The following SOX5 variants were observed in gnomAD, a reference collection of about 807,000 sequenced individuals.
The protein encoded by SOX5 is transcription factor SOX-5.
In SOX5, 9 loss-of-function variants were observed where a neutral mutation model predicts 92.0. That is an observed-to-expected ratio of 0.10 (90% CI 0.06 to 0.17). The LOEUF (loss-of-function observed/expected upper bound fraction) is 0.17, where lower values mean the gene tolerates loss of function less well. SOX5 is among the 10% of genes least tolerant of loss of function. The pLI, the probability that SOX5 is intolerant of heterozygous loss-of-function variation, is 1.00. For missense variants in SOX5, 642 were observed against 944.5 expected, an observed-to-expected ratio of 0.68 and a Z score of 4.20; for synonymous variants, 344 against 336.3, an observed-to-expected ratio of 1.02 and a Z score of -0.25.
intron 2 of SOX5, among the ~76,000 whole-genome samples, chr12:24,316,447 C>A (rs117639797): frequency 0.016 from 2,385 of 152,268 alleles, 43 homozygotes; most frequent in Middle Eastern, 0.037. Context: ...CATGACAGCA[C>A]TTTTTCAAAG....
chr12:23,959,024 C>T lies in SOX5; in HGVS notation c.-1-63000G>A, dbSNP rs148291865. Among the ~76,000 whole-genome samples, 521 of 151,854 alleles carry T rather than the reference C, an allele frequency of 3.4e-3. 3 individuals are homozygous for T. Among genetic ancestry groups the T allele is most frequent in the African/African-American group, 0.011 (446 of 41,514 alleles). On this transcript the variant is annotated intron_variant, in intron 4 of 4. Transcript: ENST00000446891. ...ACATACAAGACCTATTTAAAGAAAG[C>T]TTTAATACAATATGAAAAGACATAC... is the stretch of plus-strand genomic sequence containing the variant.
chr12:23,563,425 G>A (rs1946549875), intron 10 of SOX5, 22 bp from the exon 11 acceptor site: 2 of 1,608,556 alleles, frequency 1.2e-6, no homozygotes, highest in Non-Finnish European at 1.7e-6. Context: ...ACAGATCAAA[G>A]GATATCTTTT....
chr12:24,529,846 C>T (rs1360383352), intron 1 of SOX5, among the ~76,000 whole-genome samples: 3 of 151,988 alleles, frequency 2.0e-5, no homozygotes, highest in Admixed American at 6.6e-5. Context: ...GGTGAAACCC[C>T]GTCTCTACTA....
chr12:24,218,573 C>A (rs1350309789), intron 3 of SOX5, among the ~76,000 whole-genome samples: 1 of 151,938 alleles, frequency 6.6e-6, no homozygotes, highest in Non-Finnish European at 1.5e-5. Flanking sequence ...ACTGAATAAT[C>A]CATGAACTCA....
rs540948280 is a variant in SOX5, at chr12:23,820,831, T to G, written c.481+25152A>C. ...TGGTGTTTTGGTTACTACAGCCTTG[T>G]AGTATAGTCTGAAGCCAGATGGTGT... On this transcript the variant is annotated intron_variant, in intron 3 of 14. Transcript: ENST00000451604. Among the ~76,000 whole-genome samples the G allele has an allele frequency of 2.0e-5, 3 of 152,316 alleles. No individual in the cohort carries two copies. In the South Asian group the frequency reaches 6.2e-4, roughly 32 times the overall value.
chr12:24,193,413 T>C (rs1476739860), intron 4 of SOX5, among the ~76,000 whole-genome samples: 1 of 152,230 alleles, frequency 6.6e-6, no homozygotes, highest in Non-Finnish European at 1.5e-5. Context: ...ACTCAGAGAC[T>C]AAAGGGCCAC....
At chr12:23,929,365 C>T (rs1418206390) in intron 1 of SOX5, among the ~76,000 whole-genome samples, 1 of 151,902 alleles carries the variant, frequency 6.6e-6, no homozygotes, top group Non-Finnish European at 1.5e-5. Flanking sequence ...GATAATGTTG[C>T]TTCATTATCT....
At chr12:24,298,225 A>G (rs1947515234) in intron 2 of SOX5, among the ~76,000 whole-genome samples, 1 of 152,020 alleles carries the variant, frequency 6.6e-6, no homozygotes, top group African/African-American at 2.4e-5. Context: ...CACCACCACC[A>G]CGTCCAGCTA....
At chr12:24,146,960 T>C (rs1383506214) in intron 4 of SOX5, among the ~76,000 whole-genome samples, 2 of 152,146 alleles carry the variant, frequency 1.3e-5, no homozygotes, top group Non-Finnish European at 2.9e-5. Context: ...TAGCTTCATG[T>C]CTATTTTTTA....
chr12:23,895,599 A>C, intron 2 of SOX5, among the ~76,000 whole-genome samples, 194 bp downstream of exon 2: 1 of 152,214 alleles, frequency 6.6e-6, no homozygotes, highest in Non-Finnish European at 1.5e-5. Context: ...TGAAAAATAC[A>C]AAAGAAACGA....
chr12:23,577,280 C>T (rs995279430), intron 9 of SOX5, among the ~76,000 whole-genome samples: 11 of 146,560 alleles, frequency 7.5e-5, no homozygotes, highest in African/African-American at 1.3e-4. Context: ...TCGTGATCTC[C>T]GCCTGCCACT....
chr12:24,525,382 G>A (rs986311784), intron 1 of SOX5, among the ~76,000 whole-genome samples: 2 of 152,160 alleles, frequency 1.3e-5, no homozygotes, highest in Non-Finnish European at 2.9e-5. Flanking sequence ...TTGGGGGAAT[G>A]GGAAGTGGGA....
intron 1 of SOX5, among the ~76,000 whole-genome samples, chr12:24,554,115 G>A (rs1953506628): frequency 6.6e-6 from 1 of 152,216 alleles, no homozygotes; most frequent in Admixed American, 6.5e-5. Flanking sequence ...GGAATATCAA[G>A]CATCACAAGA....
At chr12:24,141,669 T>C (rs1162530532) in intron 4 of SOX5, among the ~76,000 whole-genome samples, 5 of 152,050 alleles carry the variant, frequency 3.3e-5, no homozygotes, top group Non-Finnish European at 7.4e-5. Context: ...TACACACAAA[T>C]GAAAAGATTT....
intron 8 of SOX5, chr12:23,638,188 T>G (rs776783263): frequency 2.0e-5 from 3 of 152,218 alleles, no homozygotes; most frequent in Non-Finnish European, 4.4e-5. Flanking sequence ...CCACGGTATC[T>G]CACGGCAGAC....
At chr12:23,539,030 C>T (rs1941306453) in intron 13 of SOX5, among the ~76,000 whole-genome samples, 1 of 151,814 alleles carries the variant, frequency 6.6e-6, no homozygotes, top group Admixed American at 6.6e-5. Flanking sequence ...TGGTGTCAAT[C>T]TCCTGATCTC....
At position 23,530,122 on chromosome 12, in the gene SOX5, C is replaced by A. The variant is rs948301196; in HGVS notation, c.*4097G>T. On this transcript the variant is annotated 3_prime_UTR_variant, in exon 15 of 15. Transcript: ENST00000451604. ...CTATGCCCTACAAGACAAAGGGATA[C>A]CTGAACCACTTTAAGTGGCCTTCAT... The A allele has an allele frequency of 6.6e-6, 1 of 152,228 alleles. No individual in the cohort carries two copies. Among genetic ancestry groups the A allele is most frequent in the African/African-American group, 2.4e-5 (1 of 41,458 alleles). The allele number at this position is 152,228 out of a possible 1,614,324, so 9.4% of individuals were successfully genotyped here. A position where few individuals can be genotyped will look rare whatever the true frequency, so the allele number is the denominator to read the frequency against.
In SOX5 at chr12:24,511,733, C is replaced by T. The variant is rs529940383; in HGVS notation, c.-251+50596G>A. Reference sequence around the variant, plus strand: ...CAGCACTTTGGGAGGCTGAGGTGGGCGGATCACAAGGTCAGGAGATCAAGA... The same window carrying T: ...CAGCACTTTGGGAGGCTGAGGTGGGTGGATCACAAGGTCAGGAGATCAAGA... On this transcript the variant is annotated intron_variant, in intron 1 of 4. Transcript: ENST00000446891. 7.2e-5 allele frequency among the ~76,000 whole-genome samples: 11 copies of T among 151,928 alleles called. No homozygotes were observed. In the South Asian group the frequency reaches 1.0e-3, roughly 14 times the overall value.
At chr12:24,357,920 T>C (rs1955070690) in intron 2 of SOX5, among the ~76,000 whole-genome samples, 3 of 152,100 alleles carry the variant, frequency 2.0e-5, no homozygotes, top group African/African-American at 7.2e-5. Context: ...CCAAACAAAT[T>C]TTCTATATTT....
Sources: gnomAD v4.1 joint callset for allele counts (sites outside exome capture counted in the v4.1 genomes callset) on GRCh38, gnomAD v4.1.1 for gene constraint, MANE v1.5 for transcripts, NCBI Gene and HGNC (gene_info 2026-07-23, HGNC 2026-07-21) for gene names.